POU2AF2: variants seen among roughly 807,000 people sequenced by gnomAD.
The protein encoded by POU2AF2 is POU class 2 homeobox associating factor 2.
the POU2AF2 span, among the ~76,000 whole-genome samples, chr11:111,263,003 A>T: frequency 1.3e-5 from 2 of 152,124 alleles, no homozygotes; most frequent in Admixed American, 1.3e-4. Flanking sequence ...TTTTCAAATC[A>T]TTATTACTTA....
At chr11:111,280,053 A>ATATATATATATATATAT in the POU2AF2 span, among the ~76,000 whole-genome samples, 1 of 61,878 alleles carries the variant, frequency 1.6e-5, no homozygotes, top group African/African-American at 4.5e-5. Flanking sequence ...AAAAAAAAAA[A>ATATATATATATATATAT]AAAAATATAT....
the POU2AF2 span, chr11:111,284,180 GT>G: frequency 6.2e-7 from 1 of 1,614,204 alleles, no homozygotes; most frequent in Non-Finnish European, 8.5e-7. Context: ...CACCTCCAGC[GT>G]GGGGAAGCCG....
At chr11:111,281,334 C>T in the POU2AF2 span, 24 of 1,398,342 alleles carry the variant, frequency 1.7e-5, no homozygotes, top group East Asian at 5.3e-4. Context: ...AAGGTGTATT[C>T]CTAATTTTTA....
chr11:111,283,959 C>A, the POU2AF2 span: 3 of 850,204 alleles, frequency 3.5e-6, no homozygotes, highest in East Asian at 7.3e-5. Flanking sequence ...TCCATGTTAG[C>A]GTTGGAGTCA....
At chr11:111,252,177 C>T in the POU2AF2 span, among the ~76,000 whole-genome samples, 3 of 152,306 alleles carry the variant, frequency 2.0e-5, no homozygotes, top group East Asian at 3.9e-4. Flanking sequence ...AAGTCCACAT[C>T]GACCTCAGTC....
the POU2AF2 span, among the ~76,000 whole-genome samples, chr11:111,262,979 C>A: frequency 7.1e-4 from 108 of 152,194 alleles, no homozygotes; most frequent in Non-Finnish European, 1.2e-3. Flanking sequence ...TTCATTCCAA[C>A]CTCAAGTGTT....
the POU2AF2 span, among the ~76,000 whole-genome samples, chr11:111,283,638 A>G: frequency 2.6e-5 from 4 of 152,274 alleles, no homozygotes; most frequent in South Asian, 6.2e-4. Flanking sequence ...GTGTTACCTT[A>G]TCCAGACATA....
chr11:111,284,034 T>C, the POU2AF2 span: 2 of 1,590,726 alleles, frequency 1.3e-6, no homozygotes, highest in East Asian at 4.5e-5. Flanking sequence ...TTGACCGCCC[T>C]GGGAGGAATT....
chr11:111,254,051 G>T, the POU2AF2 span, among the ~76,000 whole-genome samples: 3 of 152,232 alleles, frequency 2.0e-5, no homozygotes, highest in East Asian at 5.8e-4. Flanking sequence ...TTATTTTAAA[G>T]TATTTCTCTC....
the POU2AF2 span, among the ~76,000 whole-genome samples, chr11:111,267,078 A>G: frequency 2.0e-5 from 3 of 152,120 alleles, no homozygotes; most frequent in Admixed American, 6.5e-5. Flanking sequence ...TAGACTGTTC[A>G]AGAGATGATG....
chr11:111,247,786 A>T, the POU2AF2 span, among the ~76,000 whole-genome samples: 3 of 151,810 alleles, frequency 2.0e-5, no homozygotes, highest in Non-Finnish European at 4.4e-5. Flanking sequence ...ACTCCATCTT[A>T]AAAAAAAGAT....
chr11:111,281,517 C>A, the POU2AF2 span: 76 of 1,496,022 alleles, frequency 5.1e-5, no homozygotes, highest in Non-Finnish European at 6.9e-5. Flanking sequence ...TCTTTCATAA[C>A]GACCTTACAA....
chr11:111,252,431 C>G, the POU2AF2 span, among the ~76,000 whole-genome samples: 1 of 152,098 alleles, frequency 6.6e-6, no homozygotes, highest in Non-Finnish European at 1.5e-5. Context: ...GCTGCTGGTC[C>G]AGGGATCACA....
At chr11:111,255,223 G>T in the POU2AF2 span, among the ~76,000 whole-genome samples, 1 of 152,138 alleles carries the variant, frequency 6.6e-6, no homozygotes, top group South Asian at 2.1e-4. Flanking sequence ...CAGCTCTATT[G>T]CTTATAAGTA....
chr11:111,251,665 C>T, the POU2AF2 span, among the ~76,000 whole-genome samples: 2 of 152,210 alleles, frequency 1.3e-5, no homozygotes, highest in African/African-American at 4.8e-5. Flanking sequence ...CTTCTCATTC[C>T]AGCTTAAGTC....
chr11:111,262,993 T>G, the POU2AF2 span, among the ~76,000 whole-genome samples: 1 of 152,234 alleles, frequency 6.6e-6, no homozygotes, highest in Non-Finnish European at 1.5e-5. Context: ...AAGTGTTTGC[T>G]TTTCAAATCA....
the POU2AF2 span, among the ~76,000 whole-genome samples, chr11:111,276,453 A>AAAAAAAAAAAAAAAAAAATATATATAT: frequency 2.7e-5 from 1 of 37,692 alleles, no homozygotes; most frequent in African/African-American, 9.6e-5. Flanking sequence ...AAAAAAAAAA[A>AAAAAAAAAAAAAAAAAAATATATATAT]ATATATATAT....
At chr11:111,284,932 G>T in the POU2AF2 span, among the ~76,000 whole-genome samples, 2 of 152,114 alleles carry the variant, frequency 1.3e-5, no homozygotes, top group East Asian at 1.9e-4. Flanking sequence ...GAATAGTAAA[G>T]GTTTCTACCA....
chr11:111,284,029 C>A, the POU2AF2 span: 3 of 1,573,266 alleles, frequency 1.9e-6, no homozygotes, highest in South Asian at 1.2e-5. Context: ...AGGCCTTGAC[C>A]GCCCTGGGAG....
Sources: allele counts gnomAD v4.1 joint callset (sites outside exome capture counted in the v4.1 genomes callset), GRCh38; gene constraint gnomAD v4.1.1; transcripts MANE v1.5; gene names NCBI Gene and HGNC (gene_info 2026-07-23, HGNC 2026-07-21).